Variants in MZT2B observed in about 807,000 individuals in gnomAD.
MZT2B encodes the protein mitotic-spindle organizing protein 2B.
MZT2B carries 11 observed loss-of-function variants against 12.1 expected under a neutral mutation model. The ratio of observed to expected loss-of-function variants is 0.91; its 90% confidence interval spans 0.57 to 1.50. The LOEUF (loss-of-function observed/expected upper bound fraction) is 1.50. Ranked by LOEUF, MZT2B falls within the 40% of genes most tolerant of loss-of-function variation. The pLI is 0.00. For missense variants in MZT2B, 209 were observed against 227.7 expected, an observed-to-expected ratio of 0.92 and a Z score of 0.53; for synonymous variants, 85 against 109.5, an observed-to-expected ratio of 0.78 and a Z score of 1.40.
intron 2 of MZT2B, among the ~76,000 whole-genome samples, chr2:130,187,176 A>G (rs1690097588): frequency 6.6e-6 from 1 of 151,590 alleles, no homozygotes; most frequent in East Asian, 1.9e-4. Context: ...CTAATTCTGC[A>G]TTTTCTTTTA....
At chr2:130,188,051 C>T (rs1461062011) in intron 2 of MZT2B, 2 of 141,940 alleles carry the variant, frequency 1.4e-5, no homozygotes, top group Admixed American at 1.5e-4. Context: ...CTCTAAACCC[C>T]CCTCCCCCAC....
chr2:130,197,133 G>C, the MZT2B span, among the ~76,000 whole-genome samples: 1 of 152,126 alleles, frequency 6.6e-6, no homozygotes, highest in Non-Finnish European at 1.5e-5. Context: ...TGAAGCCTAC[G>C]GGTGTAATGG....
chr2:130,183,809 G>A (rs1425299281), intron 2 of MZT2B: 3 of 1,550,564 alleles, frequency 1.9e-6, no homozygotes, highest in South Asian at 1.2e-5. Context: ...TCTCTGCCAG[G>A]AACAGTAGCC....
At chr2:130,195,351 G>A (rs1690379299), downstream of MZT2B, 1 of 1,365,322 alleles carries the variant, frequency 7.3e-7, no homozygotes, top group Non-Finnish European at 9.9e-7. Flanking sequence ...ACATGTCATA[G>A]GTCAACAGTG....
downstream of MZT2B, chr2:130,193,905 T>G (rs752184368): frequency 3.3e-5 from 54 of 1,614,092 alleles, no homozygotes; most frequent in Non-Finnish European, 4.2e-5. Context: ...CAGCAGGCCA[T>G]GTACTTGCCA....
At chr2:130,182,557 T>C in intron 1 of MZT2B, 70 bp from the exon 2 acceptor site, 1 of 1,568,782 alleles carries the variant, frequency 6.4e-7, no homozygotes, top group Non-Finnish European at 8.6e-7. Flanking sequence ...CCCCCGTCCT[T>C]GTCGGGTCTT....
intron 2 of MZT2B, among the ~76,000 whole-genome samples, chr2:130,185,651 G>A (rs1459794414): frequency 9.4e-6 from 1 of 106,616 alleles, no homozygotes; most frequent in Non-Finnish European, 2.0e-5. Flanking sequence ...GAGGCAGAGC[G>A]CTGTCCAGGT....
At chr2:130,187,657 C>T (rs959571879) in intron 2 of MZT2B, among the ~76,000 whole-genome samples, 6 of 152,180 alleles carry the variant, frequency 3.9e-5, no homozygotes, top group African/African-American at 1.2e-4. Context: ...TAGCCCCTCC[C>T]GAGGGAGCAG....
At chr2:130,182,146 G>T, upstream of MZT2B, 4 of 1,257,986 alleles carry the variant, frequency 3.2e-6, no homozygotes, top group Non-Finnish European at 4.0e-6. Flanking sequence ...CCGCGGAGGC[G>T]GCCCCGTCCC....
Position 130,184,811 on chromosome 2 carries a change from A to G in MZT2B, c.319+2036A>G, listed in dbSNP as rs1017746705. On this transcript the variant is annotated intron_variant, in intron 2 of 2. Coordinates refer to ENST00000281871, the MANE Select transcript of MZT2B (RefSeq NM_025029.5). ...GGGAGCCAGGCCTAGCTCTCAGGGC[A>G]GAGGGTGTGGCAGGGAAGTGAGATG... 9 of 985,294 alleles carry G rather than the reference A, an allele frequency of 9.1e-6. No homozygotes were observed. The African/African-American group carries it at 1.2e-4, about 13-fold the overall frequency. The allele number at this position is 985,294 out of a possible 1,614,324, so 61.0% of individuals were successfully genotyped here. A position where few individuals can be genotyped will look rare whatever the true frequency, so the allele number is the denominator to read the frequency against.
chr2:130,184,963 A>C (rs1051728475), intron 2 of MZT2B: 1 of 855,196 alleles, frequency 1.2e-6, no homozygotes, highest in Non-Finnish European at 1.4e-6. Flanking sequence ...TCAGGAGTTC[A>C]AGACCAGCCT....
downstream of MZT2B, chr2:130,194,037 G>A: frequency 6.2e-7 from 1 of 1,613,490 alleles, no homozygotes; most frequent in Non-Finnish European, 8.5e-7. Flanking sequence ...TAGGTGGCCA[G>A]GGGGAAGTGG....
intron 2 of MZT2B, chr2:130,184,561 C>T (rs564265880): frequency 2.0e-6 from 2 of 985,250 alleles, no homozygotes; most frequent in East Asian, 1.1e-4. Flanking sequence ...TTGGTTGCAC[C>T]TCCTGCGTGC....
chr2:130,192,192 T>A (rs1690280947), downstream of MZT2B: 1 of 1,543,758 alleles, frequency 6.5e-7, no homozygotes, highest in South Asian at 1.3e-5. Flanking sequence ...GGTAGCTACT[T>A]CTCCTCAAAC....
intron 2 of MZT2B, among the ~76,000 whole-genome samples, chr2:130,189,226 G>A (rs1690172161): frequency 6.6e-6 from 1 of 152,174 alleles, no homozygotes; most frequent in South Asian, 2.1e-4. Flanking sequence ...TAGGCACACC[G>A]CACTGAGGGG....
At chr2:130,181,664 C>G, upstream of MZT2B, 1 of 1,550,654 alleles carries the variant, frequency 6.4e-7, no homozygotes, top group Non-Finnish European at 8.7e-7. Flanking sequence ...CTCTTTGGGC[C>G]GTTACCTCAA....
chr2:130,182,259 C>A, upstream of MZT2B: 2 of 1,285,682 alleles, frequency 1.6e-6, no homozygotes, highest in Non-Finnish European at 2.0e-6. Flanking sequence ...CGGGGCGGAG[C>A]GCACCTTTCC....
the MZT2B span, chr2:130,202,184 A>G: frequency 9.1e-6 from 5 of 548,378 alleles, no homozygotes; most frequent in Non-Finnish European, 1.0e-5. Context: ...TGCCTTGTGT[A>G]TTTTATTTAG....
At chr2:130,183,432 C>T in intron 2 of MZT2B, 1 of 406,136 alleles carries the variant, frequency 2.5e-6, no homozygotes, top group South Asian at 2.2e-5. Flanking sequence ...CCTCCTCCCT[C>T]TCCAGTGTGG....
Sources: allele counts gnomAD v4.1 joint callset (sites outside exome capture counted in the v4.1 genomes callset), GRCh38; gene constraint gnomAD v4.1.1; transcripts MANE v1.5; gene names NCBI Gene and HGNC (gene_info 2026-07-23, HGNC 2026-07-21).